Variants in PARVB observed in about 807,000 individuals in gnomAD.
The protein encoded by PARVB is parvin beta, also known as beta-parvin.
In PARVB, 46 loss-of-function variants were observed where a neutral mutation model predicts 47.0. That is an observed-to-expected ratio of 0.98 (90% CI 0.77 to 1.25). The LOEUF is 1.25. PARVB is among the 50% of genes most tolerant of loss of function. The pLI is 0.00. For synonymous variants in PARVB, 196 were observed against 196.3 expected (o/e 1.00, Z 0.01); for missense variants, 473 against 471.6 (o/e 1.00, Z -0.03).
At chr22:44,074,171 G>A (rs2051715247) in intron 1 of PARVB, among the ~76,000 whole-genome samples, 1 of 152,202 alleles carries the variant, frequency 6.6e-6, no homozygotes, top group South Asian at 2.1e-4. Flanking sequence ...AGGAGGAGTG[G>A]TCCTCTGAGG....
chr22:44,159,539 G>T (rs1048700976), intron 11 of PARVB, among the ~76,000 whole-genome samples: 18 of 152,298 alleles, frequency 1.2e-4, no homozygotes, highest in Non-Finnish European at 2.2e-4. Context: ...CATTCATCCT[G>T]TTCACTCAGG....
intron 3 of PARVB, chr22:44,107,548 G>A (rs1315792831): frequency 6.6e-6 from 1 of 152,192 alleles, no homozygotes; most frequent in Admixed American, 6.5e-5. Flanking sequence ...CTAACGAGGT[G>A]ACTCAGGGTG....
chr22:44,029,911 A>G (rs2050794661), intron 1 of PARVB, among the ~76,000 whole-genome samples: 1 of 106,346 alleles, frequency 9.4e-6, no homozygotes, highest in Non-Finnish European at 1.8e-5. Context: ...CTCTGCCTCA[A>G]AAAAAAAAAA....
rs143297312 is a variant in PARVB, at chr22:44,155,842, T to G, written c.844-2140T>G. 2.6e-3 allele frequency among the ~76,000 whole-genome samples: 396 copies of G among 152,196 alleles called. 1 individual carries two copies. Among genetic ancestry groups the G allele is most frequent in the African/African-American group, 9.0e-3 (375 of 41,534 alleles). On this transcript the variant is annotated intron_variant, in intron 10 of 12. Transcript: ENST00000338758. This position sits in a 1 kb window ranked among gnomAD's most constrained non-coding sequence, Gnocchi z 4.8. ...CATGTGACATGGAGGCCAAGTGCCA[T>G]TTGCCCATCAACTGACAGCGTGTTG... is the stretch of plus-strand genomic sequence containing the variant.
chr22:44,017,854 C>T (rs527967150), intron 2 of PARVB, among the ~76,000 whole-genome samples: 7 of 152,028 alleles, frequency 4.6e-5, no homozygotes, highest in South Asian at 2.1e-4. Context: ...ACTGGGGGTC[C>T]GTGGGGTGCC....
intron 12 of PARVB, among the ~76,000 whole-genome samples, chr22:44,165,198 A>G (rs1039406290): frequency 6.6e-6 from 1 of 152,124 alleles, no homozygotes; most frequent in Non-Finnish European, 1.5e-5. Flanking sequence ...AGGTCTCACT[A>G]TGTTGCCCAG....
At chr22:44,091,491 C>G (rs1447451417) in intron 1 of PARVB, among the ~76,000 whole-genome samples, 1 of 152,050 alleles carries the variant, frequency 6.6e-6, no homozygotes. Flanking sequence ...TGCTACTTCC[C>G]CCGCCCCTGG....
At chr22:44,036,812 TA>T (rs927666184) in intron 1 of PARVB, among the ~76,000 whole-genome samples, 24 of 150,116 alleles carry the variant, frequency 1.6e-4, no homozygotes, top group Non-Finnish European at 3.1e-4. Flanking sequence ...TATTAAAAAT[TA>T]AAAAAAAAAT....
intron 3 of PARVB, among the ~76,000 whole-genome samples, chr22:44,100,631 C>G (rs1449147688): frequency 2.6e-5 from 4 of 152,130 alleles, no homozygotes; most frequent in Non-Finnish European, 4.4e-5. Flanking sequence ...CCTGGCTGCC[C>G]CGCTCCCAGA....
chr22:44,023,527 T>TAAAACAAAAC (rs1017139457), upstream of PARVB, among the ~76,000 whole-genome samples: 666 of 93,184 alleles, frequency 7.1e-3, 8 homozygotes, highest in Middle Eastern at 0.016. Flanking sequence ...TAAAATAAAA[T>TAAAACAAAAC]AAAACAAAAC....
At chr22:44,003,332 C>A (rs2050431577) in intron 2 of PARVB, among the ~76,000 whole-genome samples, 1 of 152,160 alleles carries the variant, frequency 6.6e-6, no homozygotes, top group Admixed American at 6.5e-5. Context: ...ACTGAGCGGG[C>A]AGAGCTACTG....
Position 44,063,963 on chromosome 22 carries a change from C to T in PARVB, c.113-29965C>T, listed in dbSNP as rs375733323. On this transcript the variant is annotated intron_variant, in intron 1 of 12. Transcript: ENST00000338758. ...GGCCAGGTGTTCCGTGGATGGGGTG[C>T]GGTGCGGCCTTTGATACCAGAGGCC... Among the ~76,000 whole-genome samples, 475 of 152,312 alleles carry T rather than the reference C, an allele frequency of 3.1e-3. 1 individual carries two copies. Among genetic ancestry groups the T allele is most frequent in the Non-Finnish European group, 4.9e-3 (330 of 68,024 alleles).
At position 44,163,841 on chromosome 22, in the gene PARVB, C is replaced by G. The variant is rs755682792; in HGVS notation, c.946-17C>G. 3 of 1,597,100 alleles carry G rather than the reference C, an allele frequency of 1.9e-6. No homozygotes were observed. The Middle Eastern group carries it at 5.0e-4, about 265-fold the overall frequency. On this transcript the variant is annotated splice_polypyrimidine_tract_variant and intron_variant, in intron 11 of 12. Coordinates refer to ENST00000338758, the MANE Select transcript of PARVB (RefSeq NM_013327.5). ...ACTGTTGGACCCTAACGCTGACCCACCCCCCTTCCTTGGCAGGTCCACAAT... is the reference window on the plus strand; with the variant it reads ...ACTGTTGGACCCTAACGCTGACCCAGCCCCCTTCCTTGGCAGGTCCACAAT...
At chr22:44,156,569 G>T (rs563061396) in intron 10 of PARVB, among the ~76,000 whole-genome samples, 1 of 152,156 alleles carries the variant, frequency 6.6e-6, no homozygotes, top group East Asian at 1.9e-4. Context: ...GAGCCACTGC[G>T]CCTAGAAGTT....
chr22:44,047,920 T>G (rs552197378), intron 1 of PARVB, among the ~76,000 whole-genome samples: 19 of 152,274 alleles, frequency 1.2e-4, no homozygotes, highest in Admixed American at 2.0e-4. Flanking sequence ...GTGCCTCCCC[T>G]CCGGCTCCCC....
intron 4 of PARVB, among the ~76,000 whole-genome samples, chr22:44,121,084 A>G (rs1601636116): frequency 6.7e-6 from 1 of 149,684 alleles, no homozygotes; most frequent in Admixed American, 6.7e-5. Context: ...CTCATGATCC[A>G]CCCACCTCAG....
At chr22:44,122,938 CACCAGTAA>C (rs1459057936) in intron 4 of PARVB, among the ~76,000 whole-genome samples, 1 of 152,174 alleles carries the variant, frequency 6.6e-6, no homozygotes, top group Non-Finnish European at 1.5e-5. Context: ...ATTTTTCTAT[CACCAGTAA>C]TATTGTGGGA....
chr22:44,075,648 C>T (rs889729294), intron 1 of PARVB, among the ~76,000 whole-genome samples: 4 of 152,214 alleles, frequency 2.6e-5, no homozygotes, highest in African/African-American at 7.2e-5. Flanking sequence ...TCACTGTCTC[C>T]GTAGTTTTGC....
intron 1 of PARVB, among the ~76,000 whole-genome samples, chr22:44,055,510 T>G (rs1451534025): frequency 6.6e-6 from 1 of 152,024 alleles, no homozygotes; most frequent in African/African-American, 2.4e-5. Context: ...AATTTTTGTA[T>G]TTTTAGTAGA....
Sources: gnomAD v4.1 joint callset for allele counts (sites outside exome capture counted in the v4.1 genomes callset) on GRCh38, gnomAD v4.1.1 for gene constraint, Gnocchi (gnomAD v3.1) non-coding constraint, MANE v1.5 for transcripts, NCBI Gene and HGNC (gene_info 2026-07-23, HGNC 2026-07-21) for gene names.